The following TNFRSF10B variants were observed in gnomAD, a reference collection of about 807,000 sequenced individuals.
The protein encoded by TNFRSF10B is TNF receptor superfamily member 10b.
TNFRSF10B carries 35 observed loss-of-function variants against 41.4 expected under a neutral mutation model. The ratio of observed to expected loss-of-function variants is 0.85; its 90% CI spans 0.65 to 1.12. The LOEUF is 1.12. Among genes scored for constraint, TNFRSF10B ranks in the 50% most tolerant of loss-of-function variants. TNFRSF10B has a pLI of 0.00. For synonymous variants in TNFRSF10B, 230 were observed against 215.5 expected, an observed-to-expected ratio of 1.07 and a Z score of -0.59; for missense variants, 584 against 552.7, an observed-to-expected ratio of 1.06 and a Z score of -0.57.
At chr8:23,067,649 C>T (rs1418322684) in intron 1 of TNFRSF10B, among the ~76,000 whole-genome samples, 4 of 152,164 alleles carry the variant, frequency 2.6e-5, no homozygotes, top group Admixed American at 2.6e-4. Context: ...TTAGGTCCTC[C>T]CTCCACTCAG....
Position 23,029,763 on chromosome 8 carries a change from T to C in TNFRSF10B, c.365-42A>G, listed in dbSNP as rs139401715. 1,336 of 1,579,818 alleles carry C rather than the reference T, an allele frequency of 8.5e-4. 12 individuals are homozygous for C. The African/African-American group carries it at 0.016, about 19-fold the overall frequency. ...AGGTTTTGGGAATGTGTTTTCCTGA[T>C]GTGTCCCTTGACCCTTCCTCCCCAC... On this transcript the variant is annotated intron_variant, in intron 3 of 8. Coordinates refer to ENST00000276431, the MANE Select transcript of TNFRSF10B (RefSeq NM_003842.5).
chr8:23,056,597 G>A (rs936774699), intron 1 of TNFRSF10B, among the ~76,000 whole-genome samples: 16 of 150,376 alleles, frequency 1.1e-4, no homozygotes, highest in Non-Finnish European at 2.1e-4. Context: ...GTTACAATGA[G>A]CCAAGATTGT....
chr8:23,022,345 A>G lies in TNFRSF10B; in HGVS notation c.*326T>C, dbSNP rs1387679719. The G allele has an allele frequency of 2.1e-6, 1 of 479,824 alleles. No individual in the cohort carries two copies. The highest frequency in any genetic ancestry group is 4.1e-6 in the Non-Finnish European group (1 of 244,348). The allele number at this position is 479,824 out of a possible 1,614,324, so 29.7% of individuals were successfully genotyped here. On this transcript the variant is annotated 3_prime_UTR_variant, in exon 9 of 9. Transcript: ENST00000276431. ...TAGATGGATCTTACAATGTAGCCCA[A>G]ATAAATAAATAAAGCATTTACATTA...
chr8:23,025,905 G>A (rs989696676), intron 7 of TNFRSF10B, among the ~76,000 whole-genome samples: 5 of 152,188 alleles, frequency 3.3e-5, no homozygotes, highest in East Asian at 1.9e-4. Flanking sequence ...ACCAAACCTC[G>A]TCTCTACAAA....
chr8:23,066,415 G>A (rs1812980066), intron 1 of TNFRSF10B, among the ~76,000 whole-genome samples: 1 of 152,164 alleles, frequency 6.6e-6, no homozygotes, highest in Admixed American at 6.5e-5. Flanking sequence ...AGATTCTGCA[G>A]AAGCAGATCA....
In TNFRSF10B at chr8:23,041,605, A is replaced by G. The variant is rs1332973865; in HGVS notation, c.250+1533T>C. 1.5e-4 allele frequency among the ~76,000 whole-genome samples: 15 copies of G among 97,522 alleles called. 1 individual carries two copies. In the South Asian group the frequency reaches 5.0e-3, roughly 32 times the overall value. The allele number at this position is 97,522 out of a possible 152,430, so 64.0% of individuals were successfully genotyped here. The stretch of plus-strand genomic sequence containing the variant: ...AGAATTCATGTGACTCAATGATTTA[A>G]AAAAAAAAAAAAAAAAAACCTAACC... On this transcript the variant is annotated intron_variant, in intron 2 of 8. Transcript: ENST00000276431.
chr8:23,021,912 A>T lies in TNFRSF10B; in HGVS notation c.*759T>A, dbSNP rs1367804130. On this transcript the variant is annotated 3_prime_UTR_variant, in exon 9 of 9. Coordinates refer to ENST00000276431, the MANE Select transcript of TNFRSF10B (RefSeq NM_003842.5). Reference sequence around the variant, plus strand: ...TTCACATAACTATGTAAACAAGTACATTTACTAAAGTTTCTTCATGTTCAT... The same window carrying T: ...TTCACATAACTATGTAAACAAGTACTTTTACTAAAGTTTCTTCATGTTCAT... The T allele has an allele frequency of 2.2e-6, 1 of 453,734 alleles. No homozygotes were observed. The highest frequency in any genetic ancestry group is 6.9e-5 in the East Asian group (1 of 14,396). 28.1% of individuals were successfully genotyped at this position (453,734 alleles called of 1,614,324 possible). A position where few individuals can be genotyped will look rare whatever the true frequency, so the allele number is the denominator to read the frequency against.
chr8:23,022,723 C>T lies in TNFRSF10B; in HGVS notation c.1271G>A (p.Ser424Asn), dbSNP rs888182475. The T allele has an allele frequency of 5.0e-6, 8 of 1,613,906 alleles. No homozygotes were observed. The African/African-American group carries it at 5.3e-5, about 11-fold the overall frequency. The change falls in exon 9 of 9, where the codon AGC becomes AAC. Residue 424 changes from serine (S) to asparagine (N), a missense_variant. Coordinates refer to ENST00000276431, the MANE Select transcript of TNFRSF10B (RefSeq NM_003842.5). The part of the protein sequence containing the change: ...AKQKIEDHLL[S>N]SGKFMYLEGN... ...TTCTAGATACATGAACTTTCCAGAGCTCAACAAGTGGTCCTCAATCTTCTG... is the reference window on the plus strand; with the variant it reads ...TTCTAGATACATGAACTTTCCAGAGTTCAACAAGTGGTCCTCAATCTTCTG...
At chr8:23,051,105 A>G (rs12114217) in intron 1 of TNFRSF10B, among the ~76,000 whole-genome samples, 33,159 of 152,028 alleles carry the variant, frequency 0.22, 3,899 homozygotes, top group Non-Finnish European at 0.25. Context: ...ATGTACTTCT[A>G]TTGGCATGCA....
intron 1 of TNFRSF10B, among the ~76,000 whole-genome samples, chr8:23,057,384 T>C (rs1461252681): frequency 2.0e-5 from 3 of 151,344 alleles, no homozygotes; most frequent in Non-Finnish European, 2.9e-5. Context: ...AACCATTCCA[T>C]TAATTGCTTA....
At chr8:23,028,266 G>C (rs1287114684) in intron 5 of TNFRSF10B, 65 bp downstream of exon 5, 1 of 1,608,844 alleles carries the variant, frequency 6.2e-7, no homozygotes, top group African/African-American at 1.3e-5. Context: ...TTCTGTCTGT[G>C]GGAATAGGGT....
intron 2 of TNFRSF10B, among the ~76,000 whole-genome samples, chr8:23,033,999 A>G (rs1214411578): frequency 6.6e-6 from 1 of 152,214 alleles, no homozygotes; most frequent in Non-Finnish European, 1.5e-5. Context: ...GACACAATTC[A>G]GTCTGTAGCA....
chr8:23,025,203 T>A (rs1033506776), intron 7 of TNFRSF10B, among the ~76,000 whole-genome samples: 46 of 151,950 alleles, frequency 3.0e-4, no homozygotes, highest in African/African-American at 1.1e-3. Flanking sequence ...GAAAATGGAC[T>A]TACAAGAAGA....
At chr8:23,044,757 C>T (rs369808190) in intron 1 of TNFRSF10B, among the ~76,000 whole-genome samples, 1 of 151,302 alleles carries the variant, frequency 6.6e-6, no homozygotes, top group African/African-American at 2.4e-5. Context: ...CCACAGTTAG[C>T]AGAACAAAAG....
intron 2 of TNFRSF10B, among the ~76,000 whole-genome samples, chr8:23,040,184 A>T (rs1812129911): frequency 6.8e-6 from 1 of 146,524 alleles, no homozygotes; most frequent in Non-Finnish European, 1.5e-5. Context: ...TGTCTCAAAA[A>T]ATATATATAT....
chr8:23,057,429 ATT>A (rs201997985), intron 1 of TNFRSF10B, among the ~76,000 whole-genome samples: 142 of 115,584 alleles, frequency 1.2e-3, no homozygotes, highest in Middle Eastern at 5.1e-3. Flanking sequence ...GAATTCTGTA[ATT>A]TTTTTTTTTT....
rs1416506370 is a variant in TNFRSF10B, at chr8:23,028,553, T to C, written c.526A>G (p.Ile176Val). 4 of 1,613,950 alleles carry C rather than the reference T, an allele frequency of 2.5e-6. No individual in the cohort carries two copies. The highest frequency in any genetic ancestry group is 2.2e-5 in the East Asian group (1 of 44,872). Reference protein sequence around the residue: ...KVGDCTPWSDIECVHKESGTK... With the variant: ...KVGDCTPWSDVECVHKESGTK... ...CCTGATTCTTTGTGGACACATTCGA[T>C]GTCACTCCAGGGTGTACAATCACCG... Residue 176 changes from isoleucine (I) to valine (V), a missense_variant, in exon 5 of 9, where the codon ATC becomes GTC. Physicochemically the swap from Ile to Val is conservative, Grantham distance 29. Transcript: ENST00000276431.
At chr8:23,029,129 G>T (rs1811803044) in intron 4 of TNFRSF10B, among the ~76,000 whole-genome samples, 2 of 152,140 alleles carry the variant, frequency 1.3e-5, no homozygotes, top group Admixed American at 6.5e-5. Flanking sequence ...AGGCCGGCTG[G>T]GTGGGCTCAG....
At chr8:23,063,754 A>G (rs1444163647) in intron 1 of TNFRSF10B, among the ~76,000 whole-genome samples, 1 of 151,994 alleles carries the variant, frequency 6.6e-6, no homozygotes, top group Non-Finnish European at 1.5e-5. Flanking sequence ...CACCTAGTCC[A>G]CTCTCCACTG....
Sources: allele counts gnomAD v4.1 joint callset (sites outside exome capture counted in the v4.1 genomes callset), GRCh38; gene constraint gnomAD v4.1.1; transcripts MANE v1.5; gene names NCBI Gene and HGNC (gene_info 2026-07-23, HGNC 2026-07-21).